The following TCF12 variants were observed in gnomAD, a reference collection of about 807,000 sequenced individuals.
The protein encoded by TCF12 is transcription factor 12, also known as DNA-binding protein HTF4.
In TCF12, 45 loss-of-function variants were observed where a neutral mutation model predicts 86.0. The ratio of observed to expected loss-of-function variants is 0.52; its 90% CI spans 0.41 to 0.67. TCF12 has a LOEUF of 0.67. Among genes scored for constraint, TCF12 ranks in the 30% least tolerant of loss-of-function variants. The pLI, the probability that TCF12 is intolerant of heterozygous loss-of-function variation, is 0.00. For missense variants in TCF12, 881 were observed against 859.9 expected (o/e 1.02, Z -0.31); for synonymous variants, 330 against 299.6 (o/e 1.10, Z -1.05).
intron 3 of TCF12, among the ~76,000 whole-genome samples, chr15:57,046,092 A>G (rs2067214549): frequency 1.3e-5 from 2 of 152,232 alleles, no homozygotes; most frequent in South Asian, 4.1e-4. Context: ...TTTGTTGAGA[A>G]TTTAACTGTG....
chr15:57,163,916 T>A (rs1016521278), intron 5 of TCF12, among the ~76,000 whole-genome samples: 4 of 152,028 alleles, frequency 2.6e-5, no homozygotes, highest in Non-Finnish European at 5.9e-5. Flanking sequence ...TCAGGGAAGG[T>A]AATTGTGTTC....
intron 19 of TCF12, among the ~76,000 whole-genome samples, chr15:57,277,985 T>C (rs574948852): frequency 6.6e-6 from 1 of 151,936 alleles, no homozygotes; most frequent in East Asian, 1.9e-4. Context: ...CCTTTAAAAA[T>C]TTACCTTCCA....
At chr15:57,094,984 A>C (rs2049225090) in intron 5 of TCF12, among the ~76,000 whole-genome samples, 1 of 152,240 alleles carries the variant, frequency 6.6e-6, no homozygotes, top group African/African-American at 2.4e-5. Flanking sequence ...TCAGTAATGA[A>C]CAATTTGCAA....
At chr15:57,195,011 T>C (rs2057180931) in intron 7 of TCF12, among the ~76,000 whole-genome samples, 1 of 152,170 alleles carries the variant, frequency 6.6e-6, no homozygotes, top group South Asian at 2.1e-4. Context: ...CAAGCGAGTC[T>C]CCTGCCTCAG....
At chr15:57,247,655 C>A in intron 13 of TCF12, 1 of 769,888 alleles carries the variant, frequency 1.3e-6, no homozygotes, top group South Asian at 1.4e-5. Flanking sequence ...TTCTTTAATA[C>A]CACCAACAAA....
chr15:57,256,896 G>A (rs75540701), intron 16 of TCF12, among the ~76,000 whole-genome samples: 2,226 of 152,306 alleles, frequency 0.015, 29 homozygotes, highest in Middle Eastern at 0.034. Flanking sequence ...CTAATGGGCA[G>A]CATCCTAATT....
At chr15:57,241,098 GATT>G (rs1485419620) in intron 12 of TCF12, among the ~76,000 whole-genome samples, 1 of 147,738 alleles carries the variant, frequency 6.8e-6, no homozygotes, top group African/African-American at 2.5e-5. Context: ...CAATAATATT[GATT>G]TTTTTTTTTT....
intron 4 of TCF12, among the ~76,000 whole-genome samples, chr15:57,069,174 A>T (rs192387334): frequency 7.2e-5 from 11 of 152,222 alleles, no homozygotes; most frequent in African/African-American, 2.4e-4. Context: ...GAGTATATTG[A>T]TACTCTTTTC....
intron 5 of TCF12, among the ~76,000 whole-genome samples, chr15:57,142,342 G>T (rs201388649): frequency 8.6e-5 from 2 of 23,258 alleles, no homozygotes; most frequent in South Asian, 3.3e-3. Context: ...GATACAGAAA[G>T]AAATATAAAT....
chr15:56,922,829 A>G (rs2059850335), intron 3 of TCF12, among the ~76,000 whole-genome samples: 1 of 151,984 alleles, frequency 6.6e-6, no homozygotes, highest in Non-Finnish European at 1.5e-5. Flanking sequence ...TCAAATCAAG[A>G]TGTACTGGTA....
At chr15:57,088,445 A>G (rs570095150) in intron 4 of TCF12, among the ~76,000 whole-genome samples, 1 of 151,752 alleles carries the variant, frequency 6.6e-6, no homozygotes, top group Non-Finnish European at 1.5e-5. Flanking sequence ...TTAAAACTAC[A>G]TGGATGATTA....
Position 56,941,168 on chromosome 15 carries a change from C to T in TCF12, c.148+20070C>T, listed in dbSNP as rs146888038. 1.4e-3 allele frequency among the ~76,000 whole-genome samples: 218 copies of T among 151,634 alleles called. 1 individual carries two copies. Among genetic ancestry groups the T allele is most frequent in the African/African-American group, 5.2e-3 (214 of 41,446 alleles). ...TCACTTGAGCCCAGGAGTTTGAAAC[C>T]AGCCTGGGTAACATGGCGAAACCCT... is the stretch of plus-strand genomic sequence containing the variant. On this transcript the variant is annotated intron_variant, in intron 3 of 20. Transcript: ENST00000333725.
chr15:57,075,352 A>G (rs1033716746), intron 4 of TCF12, among the ~76,000 whole-genome samples: 5 of 152,092 alleles, frequency 3.3e-5, no homozygotes, highest in African/African-American at 9.7e-5. Context: ...GGAATTCTGT[A>G]TGCACATCTT....
chr15:57,096,285 C>G (rs757429585), intron 5 of TCF12, among the ~76,000 whole-genome samples: 3 of 152,020 alleles, frequency 2.0e-5, no homozygotes, highest in African/African-American at 4.8e-5. Context: ...CTTTTTTAGC[C>G]TACGACACCC....
intron 5 of TCF12, among the ~76,000 whole-genome samples, chr15:57,160,143 A>G (rs1400685684): frequency 6.6e-6 from 1 of 152,220 alleles, no homozygotes; most frequent in Non-Finnish European, 1.5e-5. Flanking sequence ...GATTGTGGCT[A>G]ATCTGCTCTG....
chr15:56,963,598 T>A (rs1184233742), intron 3 of TCF12, among the ~76,000 whole-genome samples: 1 of 152,224 alleles, frequency 6.6e-6, no homozygotes, highest in Non-Finnish European at 1.5e-5. Flanking sequence ...TGATTAAGTT[T>A]GATTTGGACT....
chr15:57,043,381 C>T (rs1469962130), intron 3 of TCF12, among the ~76,000 whole-genome samples: 2 of 152,056 alleles, frequency 1.3e-5, no homozygotes, highest in East Asian at 1.9e-4. Context: ...CCATGGCAAC[C>T]GTATCATTTT....
Position 57,136,958 on chromosome 15 carries a change from G to GTTTTTTTT in TCF12, c.326-29440_326-29433dup, listed in dbSNP as rs869113042. On this transcript the variant is annotated intron_variant, in intron 5 of 20. Coordinates refer to ENST00000333725, the MANE Select transcript of TCF12 (RefSeq NM_207037.2). ...TAGACAATAGCCACTGCTTCTGGCA[G>GTTTTTTTT]TTTTTTTTTTTGTTTTTTTTTTTTT... 5.8e-4 allele frequency among the ~76,000 whole-genome samples: 48 copies of GTTTTTTTT among 83,044 alleles called. 19 individuals are homozygous for GTTTTTTTT. Among genetic ancestry groups the GTTTTTTTT allele is most frequent in the African/African-American group, 1.4e-3 (29 of 20,800 alleles). The allele number at this position is 83,044 out of a possible 152,430, so 54.5% of individuals were successfully genotyped here. A position where few individuals can be genotyped will look rare whatever the true frequency, so the allele number is the denominator to read the frequency against.
intron 4 of TCF12, among the ~76,000 whole-genome samples, chr15:57,069,571 C>T (rs1354415210): frequency 6.6e-6 from 1 of 152,116 alleles, no homozygotes; most frequent in African/African-American, 2.4e-5. Flanking sequence ...CTCTTTATTT[C>T]CTACATGAGG....
Sources: gnomAD v4.1 joint callset for allele counts (sites outside exome capture counted in the v4.1 genomes callset) on GRCh38, gnomAD v4.1.1 for gene constraint, MANE v1.5 for transcripts, NCBI Gene and HGNC (gene_info 2026-07-23, HGNC 2026-07-21) for gene names.